SEMA5A: variants seen among roughly 807,000 people sequenced by gnomAD.
SEMA5A encodes semaphorin-5A.
SEMA5A carries 55 observed loss-of-function variants against 135.5 expected under a neutral mutation model. The observed-to-expected ratio is 0.41, with a 90% CI of 0.33 to 0.51. The LOEUF (loss-of-function observed/expected upper bound fraction) is 0.51. Among genes scored for constraint, SEMA5A ranks in the 20% least tolerant of loss-of-function variants. The pLI, the probability that SEMA5A is intolerant of heterozygous loss-of-function variation, is 0.37. For synonymous variants in SEMA5A, 580 were observed against 546.5 expected, an observed-to-expected ratio of 1.06 and a Z score of -0.85; for missense variants, 1,290 against 1,419.9, an observed-to-expected ratio of 0.91 and a Z score of 1.47.
At chr5:9,118,945 G>T in intron 15 of SEMA5A, 53 bp downstream of exon 15, 1 of 1,586,524 alleles carries the variant, frequency 6.3e-7, no homozygotes, top group Non-Finnish European at 8.6e-7. Context: ...CGACCTGGCC[G>T]GAATGAGAGT....
chr5:9,265,741 G>A (rs1286711856), intron 5 of SEMA5A, among the ~76,000 whole-genome samples: 1 of 152,140 alleles, frequency 6.6e-6, no homozygotes, highest in Non-Finnish European at 1.5e-5. Context: ...GTCTGTTTAG[G>A]CCACTGCAAG....
At chr5:9,477,482 G>A (rs368756156) in intron 1 of SEMA5A, among the ~76,000 whole-genome samples, 2 of 152,220 alleles carry the variant, frequency 1.3e-5, no homozygotes, top group African/African-American at 4.8e-5. Context: ...CCAAAATGCT[G>A]ATAGTGATGT....
intron 2 of SEMA5A, among the ~76,000 whole-genome samples, chr5:9,387,624 G>A (rs1351125230): frequency 6.6e-6 from 1 of 152,152 alleles, no homozygotes; most frequent in Admixed American, 6.5e-5. Flanking sequence ...GGCCTAGAAG[G>A]AATGTATTAA....
chr5:9,482,487 A>G (rs1322296449), intron 1 of SEMA5A, among the ~76,000 whole-genome samples: 2 of 152,122 alleles, frequency 1.3e-5, no homozygotes, highest in Admixed American at 6.6e-5. Flanking sequence ...GGGAGGAAAA[A>G]CAGCCCCTCT....
At chr5:9,535,015 G>A (rs1280877692) in intron 1 of SEMA5A, among the ~76,000 whole-genome samples, 1 of 152,180 alleles carries the variant, frequency 6.6e-6, no homozygotes, top group Non-Finnish European at 1.5e-5. Context: ...TGTAGAGAGC[G>A]ACCTGACTGC....
intron 13 of SEMA5A, among the ~76,000 whole-genome samples, chr5:9,130,811 G>A (rs186298595): frequency 9.2e-5 from 14 of 152,250 alleles, no homozygotes; most frequent in Admixed American, 1.3e-4. Flanking sequence ...TTGGAAAGAC[G>A]TTGAGAGCTT....
At chr5:9,288,285 T>C (rs1750898616) in intron 5 of SEMA5A, among the ~76,000 whole-genome samples, 1 of 152,032 alleles carries the variant, frequency 6.6e-6, no homozygotes, top group African/African-American at 2.4e-5. Context: ...AAAGGAATGC[T>C]GGGGGATAAA....
At chr5:9,159,771 TATTTATAA>T (rs2150276773) in intron 11 of SEMA5A, among the ~76,000 whole-genome samples, 2 of 152,352 alleles carry the variant, frequency 1.3e-5, no homozygotes, top group East Asian at 3.9e-4. Flanking sequence ...ATTGCAGCAC[TATTTATAA>T]TAGCAAAGAC....
chr5:9,173,816 T>G (rs1744059527), intron 11 of SEMA5A, among the ~76,000 whole-genome samples: 1 of 152,194 alleles, frequency 6.6e-6, no homozygotes, highest in African/African-American at 2.4e-5. Context: ...GTTGATCTGA[T>G]GAGTAAGACA....
chr5:9,264,793 T>A (rs1423276374), intron 5 of SEMA5A, among the ~76,000 whole-genome samples: 1 of 151,994 alleles, frequency 6.6e-6, no homozygotes, highest in South Asian at 2.1e-4. Context: ...GACAAAAATA[T>A]ATCTTTCCAA....
chr5:9,228,557 C>G (rs1747448141), intron 6 of SEMA5A, among the ~76,000 whole-genome samples: 1 of 152,190 alleles, frequency 6.6e-6, no homozygotes, highest in Admixed American at 6.5e-5. Context: ...TATTGATGAG[C>G]TCTCATGTTT....
intron 1 of SEMA5A, among the ~76,000 whole-genome samples, chr5:9,501,387 G>C (rs534483383): frequency 6.6e-6 from 1 of 151,806 alleles, no homozygotes; most frequent in African/African-American, 2.4e-5. Flanking sequence ...GTGTCTACGT[G>C]TGTGTGTATT....
chr5:9,309,513 C>T (rs891638320), intron 5 of SEMA5A, among the ~76,000 whole-genome samples: 3 of 151,986 alleles, frequency 2.0e-5, no homozygotes, highest in Non-Finnish European at 4.4e-5. Context: ...TGGCATGATC[C>T]TTTGCATGAT....
chr5:9,183,733 A>T (rs1744653653), intron 11 of SEMA5A, among the ~76,000 whole-genome samples: 1 of 152,194 alleles, frequency 6.6e-6, no homozygotes, highest in Non-Finnish European at 1.5e-5. Flanking sequence ...AGATAGTAAA[A>T]TGGGTCCCCA....
intron 5 of SEMA5A, among the ~76,000 whole-genome samples, chr5:9,290,088 G>A (rs561543900): frequency 6.6e-6 from 1 of 152,184 alleles, no homozygotes; most frequent in African/African-American, 2.4e-5. Context: ...TTGGAAACAG[G>A]TGGTGTTTGG....
At chr5:9,377,159 G>A (rs1755398261) in intron 3 of SEMA5A, among the ~76,000 whole-genome samples, 1 of 150,730 alleles carries the variant, frequency 6.6e-6, no homozygotes, top group African/African-American at 2.4e-5. Flanking sequence ...CTAGAGAGTA[G>A]GCTCCAGCAT....
intron 4 of SEMA5A, among the ~76,000 whole-genome samples, chr5:9,332,100 T>C (rs976129815): frequency 1.2e-4 from 18 of 151,344 alleles, no homozygotes; most frequent in Admixed American, 1.2e-3. Context: ...GGGTCAGAAG[T>C]ACAAGGTGTG....
At chr5:9,182,912 G>T (rs1744601040) in intron 11 of SEMA5A, among the ~76,000 whole-genome samples, 1 of 151,924 alleles carries the variant, frequency 6.6e-6, no homozygotes, top group Non-Finnish European at 1.5e-5. Flanking sequence ...AGAACTTTCA[G>T]TAATTATTAT....
intron 3 of SEMA5A, 75 bp from the exon 4 acceptor site, chr5:9,337,887 T>C: frequency 2.0e-6 from 2 of 977,558 alleles, no homozygotes. Flanking sequence ...ATAGTGCACA[T>C]CAGGTAGCAG....
Sources: gnomAD v4.1 joint callset for allele counts (sites outside exome capture counted in the v4.1 genomes callset) on GRCh38, gnomAD v4.1.1 for gene constraint, MANE v1.5 for transcripts, NCBI Gene and HGNC (gene_info 2026-07-23, HGNC 2026-07-21) for gene names.